The following MCPH1 variants were observed in gnomAD, a reference collection of about 807,000 sequenced individuals.
MCPH1 encodes the protein microcephalin 1.
In MCPH1, 104 loss-of-function variants were observed where a neutral mutation model predicts 84.5. That is an observed-to-expected ratio of 1.23 (90% CI 1.05 to 1.45). MCPH1 has a LOEUF of 1.45. MCPH1 is among the 40% of genes most tolerant of loss of function. The pLI is 0.00. For missense variants in MCPH1, 1,498 were observed against 1,005.7 expected (o/e 1.49, Z -6.62); for synonymous variants, 514 against 366.8 (o/e 1.40, Z -4.58).
chr8:6,412,749 A>T (rs1798717123), intron 2 of MCPH1, among the ~76,000 whole-genome samples: 1 of 152,190 alleles, frequency 6.6e-6, no homozygotes, highest in Admixed American at 6.5e-5. Flanking sequence ...TGTCAGTCTT[A>T]ATCTAGAATC....
At chr8:6,509,071 G>A (rs780334639) in intron 12 of MCPH1, 13 of 1,610,452 alleles carry the variant, frequency 8.1e-6, no homozygotes, top group South Asian at 5.5e-5. Flanking sequence ...TCCTGTAAGC[G>A]TGCAAAGAAA....
At chr8:6,484,440 G>C (rs1809608554) in intron 11 of MCPH1, among the ~76,000 whole-genome samples, 1 of 152,230 alleles carries the variant, frequency 6.6e-6, no homozygotes, top group South Asian at 2.1e-4. Context: ...GGTGTGTGTG[G>C]GAAGTGGTCC....
At chr8:6,416,751 T>G (rs1460306253) in intron 3 of MCPH1, among the ~76,000 whole-genome samples, 1 of 152,184 alleles carries the variant, frequency 6.6e-6, no homozygotes, top group Non-Finnish European at 1.5e-5. Context: ...TCCAGCACTT[T>G]GGGAGGCCGA....
At chr8:6,416,146 C>A (rs1799257233) in intron 3 of MCPH1, among the ~76,000 whole-genome samples, 1 of 152,180 alleles carries the variant, frequency 6.6e-6, no homozygotes, top group Admixed American at 6.5e-5. Context: ...TTATACCCTG[C>A]AAATTTGCTT....
At chr8:6,438,429 C>G (rs1325026894) in intron 5 of MCPH1, among the ~76,000 whole-genome samples, 1 of 151,984 alleles carries the variant, frequency 6.6e-6, no homozygotes, top group Non-Finnish European at 1.5e-5. Flanking sequence ...AGGTAGCATT[C>G]CAGAAAAAAA....
chr8:6,508,582 A>G (rs1586219965), intron 12 of MCPH1: 1 of 435,108 alleles, frequency 2.3e-6, no homozygotes. Flanking sequence ...GCTACTTGGA[A>G]TTTTTAACTT....
At chr8:6,506,543 C>T (rs1489955081) in intron 12 of MCPH1, among the ~76,000 whole-genome samples, 1 of 152,162 alleles carries the variant, frequency 6.6e-6, no homozygotes, top group Non-Finnish European at 1.5e-5. Flanking sequence ...GAGCTGGGTC[C>T]AGCATGTGGG....
At position 6,453,825 on chromosome 8, in the gene MCPH1, C is replaced by T. The variant is rs148535075; in HGVS notation, c.1826-1318C>T. On this transcript the variant is annotated intron_variant, in intron 8 of 13. Coordinates refer to ENST00000344683, the MANE Select transcript of MCPH1 (RefSeq NM_024596.5). ...ACCATAAAAGATACCTGAGGAGGTA[C>T]GGGATCAGTCAGGATGTGACTGGTT... Among the ~76,000 whole-genome samples, 10 of 152,084 alleles carry T rather than the reference C, an allele frequency of 6.6e-5. No homozygotes were observed. The East Asian group carries it at 1.2e-3, about 18-fold the overall frequency.
At chr8:6,642,514 A>AT (rs1798000100) in intron 13 of MCPH1, among the ~76,000 whole-genome samples, 1 of 152,228 alleles carries the variant, frequency 6.6e-6, no homozygotes, top group Non-Finnish European at 1.5e-5. Flanking sequence ...TTCACTTGGA[A>AT]TTCCATAAAA....
rs569582879 is a variant in MCPH1 at position 6,562,210 on chromosome 8, G to A, written c.2215-59244G>A. Among the ~76,000 whole-genome samples the A allele has an allele frequency of 3.3e-5, 5 of 152,310 alleles. No individual in the cohort carries two copies. The East Asian group carries it at 9.6e-4, about 29-fold the overall frequency. On this transcript the variant is annotated intron_variant, in intron 12 of 13. Coordinates refer to ENST00000344683, the MANE Select transcript of MCPH1 (RefSeq NM_024596.5). ...TCCGTTATGCCTCGGTCATCAGCAT[G>A]GTTGTCACGGTCTCTCTGGCTCACG... is the stretch of plus-strand genomic sequence containing the variant.
intron 13 of MCPH1, among the ~76,000 whole-genome samples, chr8:6,628,993 A>G (rs898073518): frequency 6.6e-6 from 1 of 152,224 alleles, no homozygotes; most frequent in Non-Finnish European, 1.5e-5. Context: ...AAAGTGACCT[A>G]AAGTGACAGA....
intron 9 of MCPH1, among the ~76,000 whole-genome samples, chr8:6,468,947 G>A (rs1807349980): frequency 6.6e-6 from 1 of 152,132 alleles, no homozygotes; most frequent in Admixed American, 6.5e-5. Flanking sequence ...CCAGCAATTT[G>A]GGAGGCTGAG....
chr8:6,568,551 C>T (rs991872876), intron 12 of MCPH1, among the ~76,000 whole-genome samples: 4 of 152,334 alleles, frequency 2.6e-5, no homozygotes, highest in South Asian at 4.1e-4. Flanking sequence ...ACCAGCCTGA[C>T]CCAGGCCCGG....
intron 12 of MCPH1, among the ~76,000 whole-genome samples, chr8:6,533,956 T>G (rs1003671045): frequency 6.6e-6 from 1 of 152,162 alleles, no homozygotes; most frequent in South Asian, 2.1e-4. Flanking sequence ...TGGTATCAGA[T>G]GGTTTTAGGA....
At chr8:6,427,163 T>C (rs1026167925) in intron 3 of MCPH1, among the ~76,000 whole-genome samples, 6 of 152,288 alleles carry the variant, frequency 3.9e-5, no homozygotes, top group African/African-American at 1.4e-4. Context: ...AAATATGGTA[T>C]AAAAGATAAA....
At chr8:6,505,328 C>CTTT (rs1479678827) in intron 12 of MCPH1, among the ~76,000 whole-genome samples, 1 of 48,544 alleles carries the variant, frequency 2.1e-5, no homozygotes, top group African/African-American at 1.2e-4. Context: ...ATGTTATATA[C>CTTT]ATATAGAAAG....
At chr8:6,531,908 T>C (rs2129571729) in intron 12 of MCPH1, among the ~76,000 whole-genome samples, 1 of 152,334 alleles carries the variant, frequency 6.6e-6, no homozygotes, top group African/African-American at 2.4e-5. Context: ...GGTTTTATCT[T>C]AACTCAAGAG....
chr8:6,447,483 A>T, intron 8 of MCPH1: 1 of 907,136 alleles, frequency 1.1e-6, no homozygotes, highest in East Asian at 1.2e-4. Flanking sequence ...AAAACAAGTT[A>T]CAAAGAGCTT....
At chr8:6,439,457 C>T (rs1803179088) in intron 6 of MCPH1, among the ~76,000 whole-genome samples, 1 of 148,346 alleles carries the variant, frequency 6.7e-6, no homozygotes, top group Non-Finnish European at 1.5e-5. Context: ...GTGGCGCGAT[C>T]TGGGCTCACT....
Sources: gnomAD v4.1 joint callset for allele counts (sites outside exome capture counted in the v4.1 genomes callset) on GRCh38, gnomAD v4.1.1 for gene constraint, MANE v1.5 for transcripts, NCBI Gene and HGNC (gene_info 2026-07-23, HGNC 2026-07-21) for gene names.